ZNF827: variants seen among roughly 807,000 people sequenced by gnomAD.
The protein encoded by ZNF827 is zinc finger protein 827.
A neutral mutation model predicts 102.4 loss-of-function variants in ZNF827; 13 were observed. The ratio of observed to expected loss-of-function variants is 0.13; its 90% CI spans 0.08 to 0.20. The LOEUF is 0.20. Among genes scored for constraint, ZNF827 ranks in the 10% least tolerant of loss-of-function variants. The pLI, the probability that ZNF827 is intolerant of heterozygous loss-of-function variation, is 1.00. For synonymous variants in ZNF827, 523 were observed against 536.2 expected (o/e 0.98, Z 0.34); for missense variants, 1,103 against 1,344.4 (o/e 0.82, Z 2.81).
chr4:145,845,055 G>A (rs1433658444), intron 7 of ZNF827, among the ~76,000 whole-genome samples: 3 of 152,178 alleles, frequency 2.0e-5, no homozygotes. Flanking sequence ...ACTGTTCCTA[G>A]TTGTTCATCC....
intron 4 of ZNF827, among the ~76,000 whole-genome samples, chr4:145,879,498 T>TA (rs138698951): frequency 0.059 from 8,965 of 152,184 alleles, 726 homozygotes; most frequent in East Asian, 0.38. Flanking sequence ...TCTATCAAGA[T>TA]AAAAAATCAC....
At chr4:145,895,523 T>C (rs1328948582) in intron 2 of ZNF827, among the ~76,000 whole-genome samples, 2 of 152,178 alleles carry the variant, frequency 1.3e-5, no homozygotes, top group Admixed American at 6.5e-5. Context: ...AGAAATGTGG[T>C]CAAATAGCTA....
intron 8 of ZNF827, among the ~76,000 whole-genome samples, chr4:145,785,105 C>T (rs192098711): frequency 1.3e-5 from 2 of 152,246 alleles, no homozygotes; most frequent in East Asian, 3.9e-4. Flanking sequence ...TAGGATTAAG[C>T]ACTTTTGTCC....
intron 7 of ZNF827, among the ~76,000 whole-genome samples, chr4:145,842,343 T>C (rs886406341): frequency 6.6e-6 from 1 of 152,142 alleles, no homozygotes; most frequent in East Asian, 1.9e-4. Context: ...GAAAGTGCAG[T>C]CACCAACCCA....
chr4:145,910,995 A>G (rs1164212836), intron 1 of ZNF827, among the ~76,000 whole-genome samples: 1 of 152,234 alleles, frequency 6.6e-6, no homozygotes, highest in African/African-American at 2.4e-5. Context: ...GCAGTCAATT[A>G]TTATTTGTCC....
At chr4:145,792,638 T>C (rs1260174697) in intron 8 of ZNF827, among the ~76,000 whole-genome samples, 1 of 152,076 alleles carries the variant, frequency 6.6e-6, no homozygotes, top group Non-Finnish European at 1.5e-5. Flanking sequence ...GAGCAATCTG[T>C]CCGTCTTGGC....
intron 5 of ZNF827, among the ~76,000 whole-genome samples, chr4:145,864,869 T>C (rs1748043066): frequency 6.6e-6 from 1 of 152,204 alleles, no homozygotes; most frequent in Admixed American, 6.5e-5. Context: ...AGGAGGCAAA[T>C]GTGAGAAGGC....
chr4:145,848,817 T>C (rs532545958), intron 6 of ZNF827, among the ~76,000 whole-genome samples: 11 of 152,250 alleles, frequency 7.2e-5, no homozygotes, highest in African/African-American at 2.4e-4. Flanking sequence ...ACTGTTCTGC[T>C]AAGGCTATAG....
chr4:145,903,325 C>A, intron 1 of ZNF827, 110 bp from the exon 2 acceptor site: 1 of 1,454,262 alleles, frequency 6.9e-7, no homozygotes, highest in Non-Finnish European at 9.0e-7. Flanking sequence ...CACCCAAGAA[C>A]CAAATGAAAG....
intron 5 of ZNF827, among the ~76,000 whole-genome samples, chr4:145,860,548 TA>T (rs1747605778): frequency 6.6e-6 from 1 of 152,226 alleles, no homozygotes; most frequent in Non-Finnish European, 1.5e-5. Flanking sequence ...GGGTCGCACA[TA>T]AATTCTATAA....
intron 4 of ZNF827, among the ~76,000 whole-genome samples, chr4:145,881,518 G>A (rs1342277779): frequency 6.6e-6 from 1 of 152,228 alleles, no homozygotes; most frequent in Non-Finnish European, 1.5e-5. Context: ...TGGAGAGTTA[G>A]AATTAAATTT....
chr4:145,768,723 T>C (rs1735702648), intron 11 of ZNF827, among the ~76,000 whole-genome samples: 1 of 149,378 alleles, frequency 6.7e-6, no homozygotes, highest in African/African-American at 2.5e-5. Flanking sequence ...CCAGGTGTGG[T>C]GGCATATGCC....
At chr4:145,844,362 A>G (rs959601067) in intron 7 of ZNF827, among the ~76,000 whole-genome samples, 2 of 151,824 alleles carry the variant, frequency 1.3e-5, no homozygotes, top group African/African-American at 2.4e-5. Flanking sequence ...TATTAGAACG[A>G]GGTTCCTCTC....
chr4:145,780,780 T>G (rs906412527), intron 8 of ZNF827, among the ~76,000 whole-genome samples: 1 of 152,234 alleles, frequency 6.6e-6, no homozygotes, highest in Admixed American at 6.5e-5. Flanking sequence ...ACTAAGTTAA[T>G]ATCTTGTCTT....
chr4:145,883,846 GC>G (rs1284487731), intron 4 of ZNF827, among the ~76,000 whole-genome samples: 1 of 152,092 alleles, frequency 6.6e-6, no homozygotes, highest in East Asian at 1.9e-4. Context: ...CATAAAAGGA[GC>G]CCCCTTTGCT....
intron 8 of ZNF827, among the ~76,000 whole-genome samples, chr4:145,818,679 C>T (rs191449353): frequency 5.4e-4 from 82 of 152,312 alleles, no homozygotes; most frequent in African/African-American, 1.8e-3. Flanking sequence ...GTCTCTCTCT[C>T]GAGGCCTGAG....
intron 1 of ZNF827, among the ~76,000 whole-genome samples, chr4:145,908,022 A>G (rs1270376692): frequency 6.6e-6 from 1 of 151,726 alleles, no homozygotes; most frequent in African/African-American, 2.4e-5. Flanking sequence ...GATATCTACA[A>G]CTCTTGCTGC....
intron 1 of ZNF827, among the ~76,000 whole-genome samples, chr4:145,930,481 G>A (rs564441000): frequency 1.3e-5 from 2 of 152,160 alleles, no homozygotes; most frequent in African/African-American, 2.4e-5. Context: ...GTTATTTTAG[G>A]GTTTGCTTTT....
chr4:145,886,095 G>T lies in ZNF827; in HGVS notation c.1330C>A (p.Arg444Ser). ...ATGTGGAGTTTCAGGCTGAAGTGGC[G>T]TGAGGAAGTAAAAGGGCACAGCTGG... ...QCQLCPFTSS[R>S]HFSLKLHMRC... The change falls in exon 4 of 15, where the codon CGC (arginine) becomes AGC (serine). Residue 444 changes from arginine (R) to serine (S), a missense_variant. Around this residue, in one of 5 missense-constraint regions of ZNF827, gnomAD observed 157 missense variants for 211.7 expected, o/e 0.74. Transcript: ENST00000508784. The T allele has an allele frequency of 6.2e-7, 1 of 1,613,818 alleles. No individual in the cohort carries two copies. Among genetic ancestry groups the T allele is most frequent in the Non-Finnish European group, 8.5e-7 (1 of 1,179,842 alleles).
Sources: allele counts gnomAD v4.1 joint callset (sites outside exome capture counted in the v4.1 genomes callset), GRCh38; gene constraint gnomAD v4.1.1; regional missense constraint gnomAD v4.1.1; transcripts MANE v1.5; gene names NCBI Gene and HGNC (gene_info 2026-07-23, HGNC 2026-07-21).